LRRC4C: variants seen among roughly 807,000 people sequenced by gnomAD.
LRRC4C encodes the protein leucine-rich repeat-containing protein 4C.
In LRRC4C, 5 loss-of-function variants were observed where a neutral mutation model predicts 33.6. The ratio of observed to expected loss-of-function variants is 0.15; its 90% confidence interval spans 0.08 to 0.31. LRRC4C has a LOEUF of 0.31. LRRC4C is among the 10% of genes least tolerant of loss of function. The probability of loss-of-function intolerance (pLI) is 1.00; values close to 1 mark genes in which losing one functional copy is unlikely to be tolerated. For synonymous variants in LRRC4C, 329 were observed against 302.0 expected (o/e 1.09, Z -0.93); for missense variants, 560 against 796.7 (o/e 0.70, Z 3.58).
chr11:40,180,873 C>T (rs1208787358), intron 5 of LRRC4C, among the ~76,000 whole-genome samples: 1 of 152,186 alleles, frequency 6.6e-6, no homozygotes, highest in Non-Finnish European at 1.5e-5. Flanking sequence ...AAAGTCCCCA[C>T]AGGCTTGAAT....
intron 2 of LRRC4C, among the ~76,000 whole-genome samples, chr11:40,729,541 A>G (rs2136765001): frequency 6.6e-6 from 1 of 152,246 alleles, no homozygotes; most frequent in Middle Eastern, 3.4e-3. Flanking sequence ...ACACAGCATG[A>G]TATGGAGGTA....
At chr11:41,235,711 G>A (rs369529174) in intron 1 of LRRC4C, among the ~76,000 whole-genome samples, 2 of 151,982 alleles carry the variant, frequency 1.3e-5, no homozygotes, top group Admixed American at 6.6e-5. Flanking sequence ...GGAAATCTTC[G>A]GTATCACTGG....
At chr11:40,765,612 A>C (rs1490630761) in intron 2 of LRRC4C, among the ~76,000 whole-genome samples, 1 of 152,102 alleles carries the variant, frequency 6.6e-6, no homozygotes, top group Non-Finnish European at 1.5e-5. Flanking sequence ...ATATCAGATA[A>C]ATTTAACAAA....
intron 1 of LRRC4C, among the ~76,000 whole-genome samples, chr11:41,000,798 A>T (rs1333287753): frequency 2.0e-5 from 3 of 152,166 alleles, no homozygotes; most frequent in Non-Finnish European, 4.4e-5. Flanking sequence ...GACAGTACTA[A>T]TCTTGTCTAT....
chr11:40,272,405 A>G (rs895231570), intron 4 of LRRC4C, among the ~76,000 whole-genome samples: 1 of 152,152 alleles, frequency 6.6e-6, no homozygotes. Context: ...AAGCCTACAT[A>G]AAATAGATAA....
chr11:40,978,398 A>T (rs541345999), intron 1 of LRRC4C, among the ~76,000 whole-genome samples: 1 of 152,178 alleles, frequency 6.6e-6, no homozygotes, highest in African/African-American at 2.4e-5. Context: ...GAAATTTTAC[A>T]CTCCGGGGAA....
chr11:40,495,031 T>G (rs1260101503), intron 3 of LRRC4C, among the ~76,000 whole-genome samples: 1 of 152,192 alleles, frequency 6.6e-6, no homozygotes, highest in Non-Finnish European at 1.5e-5. Flanking sequence ...AAGGAGAGCA[T>G]GAATATTATT....
intron 2 of LRRC4C, among the ~76,000 whole-genome samples, chr11:40,787,004 T>G (rs1950437470): frequency 6.6e-6 from 1 of 152,196 alleles, no homozygotes; most frequent in Non-Finnish European, 1.5e-5. Context: ...GTTCCTATTG[T>G]CATTTCTGTC....
At chr11:40,990,234 TATATATATA>T (rs1853424280) in intron 1 of LRRC4C, among the ~76,000 whole-genome samples, 1 of 28,102 alleles carries the variant, frequency 3.6e-5, no homozygotes, top group African/African-American at 1.6e-4. Context: ...TCAAGTTTTA[TATATATATA>T]TATATATATA....
At chr11:41,061,764 A>G (rs1445295974) in intron 1 of LRRC4C, among the ~76,000 whole-genome samples, 1 of 152,222 alleles carries the variant, frequency 6.6e-6, no homozygotes, top group African/African-American at 2.4e-5. Flanking sequence ...AGGCAGATTC[A>G]CGTTTGTCCA....
chr11:40,634,549 C>G (rs1963784799), intron 3 of LRRC4C, among the ~76,000 whole-genome samples: 1 of 152,066 alleles, frequency 6.6e-6, no homozygotes, highest in Non-Finnish European at 1.5e-5. Context: ...GATGTTCGTA[C>G]TAACATTTAG....
chr11:40,352,556 G>C (rs1009845745), intron 3 of LRRC4C, among the ~76,000 whole-genome samples: 1 of 152,004 alleles, frequency 6.6e-6, no homozygotes, highest in African/African-American at 2.4e-5. Context: ...GTCTTGATAA[G>C]TTGTTGTGGT....
chr11:41,326,476 C>CAT (rs1483035104), intron 1 of LRRC4C, among the ~76,000 whole-genome samples: 1 of 152,116 alleles, frequency 6.6e-6, no homozygotes, highest in East Asian at 1.9e-4. Flanking sequence ...AAACCCCCTT[C>CAT]ATATATACAT....
chr11:41,113,486 G>A (rs983818074), intron 1 of LRRC4C, among the ~76,000 whole-genome samples: 2 of 152,026 alleles, frequency 1.3e-5, no homozygotes, highest in African/African-American at 4.8e-5. Context: ...CCAAATTTCT[G>A]AAAGTCACTC....
chr11:40,579,713 C>A (rs1278515032), intron 3 of LRRC4C, among the ~76,000 whole-genome samples: 1 of 151,940 alleles, frequency 6.6e-6, no homozygotes, highest in Non-Finnish European at 1.5e-5. Context: ...AAGGAATCAC[C>A]CTCCAAAGGA....
chr11:40,844,589 T>C (rs973941928), intron 2 of LRRC4C, among the ~76,000 whole-genome samples: 2 of 152,190 alleles, frequency 1.3e-5, no homozygotes, highest in African/African-American at 4.8e-5. Context: ...CTTGGTATGA[T>C]TGAACTATTA....
intron 1 of LRRC4C, among the ~76,000 whole-genome samples, chr11:41,442,465 T>C (rs1374234389): frequency 4.2e-5 from 3 of 71,908 alleles, no homozygotes; most frequent in East Asian, 2.9e-4. Flanking sequence ...TTTCTTTTTT[T>C]TTTTTTTTTT....
At chr11:40,501,772 C>CATTT (rs1413771616) in intron 3 of LRRC4C, among the ~76,000 whole-genome samples, 2 of 152,174 alleles carry the variant, frequency 1.3e-5, no homozygotes, top group Non-Finnish European at 2.9e-5. Context: ...GTCCTGGAGA[C>CATTT]ATTTTCCCCA....
chr11:40,318,643 TA>T (rs1324329450), intron 4 of LRRC4C, among the ~76,000 whole-genome samples: 1 of 152,188 alleles, frequency 6.6e-6, no homozygotes, highest in Non-Finnish European at 1.5e-5. Context: ...TTTATTAAAT[TA>T]GAGTTTCAAA....
Sources: allele counts gnomAD v4.1 joint callset (sites outside exome capture counted in the v4.1 genomes callset), GRCh38; gene constraint gnomAD v4.1.1; transcripts MANE v1.5; gene names NCBI Gene and HGNC (gene_info 2026-07-23, HGNC 2026-07-21).